The following PKHD1 variants were observed in gnomAD, a reference collection of about 807,000 sequenced individuals.
The protein encoded by PKHD1 is PKHD1 ciliary IPT domain containing fibrocystin/polyductin.
Under a neutral mutation model 412.0 loss-of-function variants are expected in PKHD1, and 291 were observed. That is an observed-to-expected ratio of 0.71 (90% CI 0.64 to 0.78). PKHD1 has a LOEUF of 0.78. PKHD1 is among the 30% of genes least tolerant of loss of function. The probability of loss-of-function intolerance (pLI) is 0.00; values close to 1 mark genes in which losing one functional copy is unlikely to be tolerated. For missense variants in PKHD1, 4,825 were observed against 4,950.7 expected, an observed-to-expected ratio of 0.97 and a Z score of 0.76; for synonymous variants, 1,777 against 1,821.5, an observed-to-expected ratio of 0.98 and a Z score of 0.62.
chr6:51,897,181 C>T (rs1465025925), intron 43 of PKHD1, among the ~76,000 whole-genome samples: 1 of 152,002 alleles, frequency 6.6e-6, no homozygotes, highest in Non-Finnish European at 1.5e-5. Context: ...AGATATTCAT[C>T]GAGAAGAGCA....
intron 35 of PKHD1, among the ~76,000 whole-genome samples, chr6:51,966,653 AG>A (rs1385591214): frequency 1.3e-5 from 2 of 152,196 alleles, no homozygotes; most frequent in Non-Finnish European, 2.9e-5. Flanking sequence ...ACTACTTTCC[AG>A]GAACTACAGA....
At chr6:51,882,619 C>A (rs547655389) in intron 46 of PKHD1, among the ~76,000 whole-genome samples, 6 of 152,274 alleles carry the variant, frequency 3.9e-5, no homozygotes, top group Admixed American at 2.0e-4. Context: ...CCAATGGCAG[C>A]CAGGAACCCC....
chr6:52,062,388 C>T, intron 14 of PKHD1, 131 bp downstream of exon 14: 2 of 965,718 alleles, frequency 2.1e-6, no homozygotes, highest in Admixed American at 1.8e-5. Flanking sequence ...TACTGTCAAA[C>T]TCTGTTGTTG....
intron 60 of PKHD1, among the ~76,000 whole-genome samples, chr6:51,736,671 C>T (rs1407710458): frequency 2.0e-5 from 3 of 152,180 alleles, no homozygotes; most frequent in African/African-American, 7.2e-5. Flanking sequence ...GGTATTTTCC[C>T]CTCTAGCTAG....
At chr6:51,749,663 T>C (rs1344083141) in intron 57 of PKHD1, among the ~76,000 whole-genome samples, 1 of 152,142 alleles carries the variant, frequency 6.6e-6, no homozygotes, top group Non-Finnish European at 1.5e-5. Flanking sequence ...ATTATCCCCA[T>C]TTTACAGATA....
In PKHD1 at chr6:51,959,906, T is replaced by C; in HGVS notation, c.5872A>G (p.Thr1958Ala). ...VENGQLLLLD[T>A]NTSILNLLHI... ...AGTAAGTTGAGGATGCTTGTGTTAG[T>C]GTCCAGCAGAAGCAATTGGCCATTC... is the stretch of plus-strand genomic sequence containing the variant. Residue 1958 changes from threonine (T) to alanine (A), a missense_variant, in exon 36 of 67, where the codon ACT (threonine) becomes GCT (alanine). Physicochemically the swap from Thr to Ala is moderately conservative, Grantham distance 58. Coordinates refer to ENST00000371117, the MANE Select transcript of PKHD1 (RefSeq NM_138694.4). The C allele has an allele frequency of 6.2e-7, 1 of 1,613,514 alleles. No individual in the cohort carries two copies. The highest frequency in any genetic ancestry group is 8.5e-7 in the Non-Finnish European group (1 of 1,179,560).
Position 51,769,623 on chromosome 6 carries a change from C to T in PKHD1, c.8642+3079G>A, listed in dbSNP as rs547411205. Among the ~76,000 whole-genome samples the T allele has an allele frequency of 2.0e-5, 3 of 151,414 alleles. No homozygotes were observed. The East Asian group carries it at 5.8e-4, about 29-fold the overall frequency. Reference sequence around the variant, plus strand: ...TACTTTCTATTTCACCAATTTCTGCCTTTTTCTTGCATTGATTGAGTTCAT... The same window carrying T: ...TACTTTCTATTTCACCAATTTCTGCTTTTTTCTTGCATTGATTGAGTTCAT... On this transcript the variant is annotated intron_variant, in intron 55 of 66. Coordinates refer to ENST00000371117, the MANE Select transcript of PKHD1 (RefSeq NM_138694.4).
Position 51,632,546 on chromosome 6 carries a change from TA to T in PKHD1, c.11665+18del, listed in dbSNP as rs373325476. The T allele has an allele frequency of 4.0e-4, 574 of 1,421,062 alleles. No individual in the cohort carries two copies. Among genetic ancestry groups the T allele is most frequent in the South Asian group, 4.8e-4 (38 of 78,824 alleles). The allele number at this position is 1,421,062 out of a possible 1,614,324, so 88.0% of individuals were successfully genotyped here. On this transcript the variant is annotated intron_variant, in intron 65 of 66. Coordinates refer to ENST00000371117, the MANE Select transcript of PKHD1 (RefSeq NM_138694.4). The stretch of plus-strand genomic sequence containing the variant: ...TTTTTCAGAAATTTTCATTCCAAAA[TA>T]AAAAAAAAACTACATACTTCTGCTT...
At chr6:51,648,620 G>T (rs1219547847) in intron 62 of PKHD1, among the ~76,000 whole-genome samples, 1 of 152,056 alleles carries the variant, frequency 6.6e-6, no homozygotes, top group Non-Finnish European at 1.5e-5. Flanking sequence ...AATAGAATCA[G>T]GACACAAAGA....
At chr6:51,872,581 G>A (rs756494366) in intron 46 of PKHD1, among the ~76,000 whole-genome samples, 1 of 152,036 alleles carries the variant, frequency 6.6e-6, no homozygotes, top group African/African-American at 2.4e-5. Flanking sequence ...GCTAATTTTT[G>A]TACTTTTAGT....
chr6:51,953,151 C>A (rs574558273), intron 36 of PKHD1, among the ~76,000 whole-genome samples: 1 of 152,040 alleles, frequency 6.6e-6, no homozygotes, highest in African/African-American at 2.4e-5. Context: ...AGGGTAGCTA[C>A]GTTTTGACTA....
intron 37 of PKHD1, among the ~76,000 whole-genome samples, chr6:51,923,019 C>A (rs561777328): frequency 6.6e-6 from 1 of 152,148 alleles, no homozygotes; most frequent in Non-Finnish European, 1.5e-5. Context: ...CCATCTTCTG[C>A]GTTGCTCATG....
intron 2 of PKHD1, among the ~76,000 whole-genome samples, chr6:52,084,455 C>G (rs1023467023): frequency 2.0e-5 from 3 of 152,208 alleles, no homozygotes; most frequent in Admixed American, 6.5e-5. Flanking sequence ...TACAAGCAAT[C>G]TAATGATTAT....
intron 32 of PKHD1, among the ~76,000 whole-genome samples, chr6:52,023,156 T>G (rs1349891897): frequency 6.6e-6 from 1 of 152,178 alleles, no homozygotes; most frequent in Non-Finnish European, 1.5e-5. Context: ...TATCCTATTG[T>G]GTTAAAGAGG....
At position 52,062,643 on chromosome 6, in the gene PKHD1, A is replaced by C; in HGVS notation, c.994T>G (p.Phe332Val). 1 of 1,614,128 alleles carries C rather than the reference A, an allele frequency of 6.2e-7. No individual in the cohort carries two copies. The highest frequency in any genetic ancestry group is 8.5e-7 in the Non-Finnish European group (1 of 1,179,968). ...CCCTCAACAGCATCTCCAACTTCAA[A>C]AAGAAGCCCTCGATTGCCTGTAAGA... ...TPQPGNRGLL[F>V]EVGDAVEGLE... The change falls in exon 14 of 67, where the codon TTT becomes GTT. Residue 332 changes from phenylalanine to valine, a missense_variant. By Grantham distance (50) the Phe-to-Val change is conservative (BLOSUM62 -1). Coordinates refer to ENST00000371117, the MANE Select transcript of PKHD1 (RefSeq NM_138694.4).
rs181504479 is a variant in PKHD1, at chr6:51,880,993, C to T, written c.7350+2100G>A. 3.7e-3 allele frequency among the ~76,000 whole-genome samples: 552 copies of T among 149,284 alleles called. 3 individuals are homozygous for T. The highest frequency in any genetic ancestry group is 0.012 in the African/African-American group (503 of 40,954). The stretch of plus-strand genomic sequence containing the variant: ...AAAAAAAAAAAAGAAAGTGTTAATT[C>T]CTAAAGGAATGGCAGGCACAAAAGA... On this transcript the variant is annotated intron_variant, in intron 46 of 66. Transcript: ENST00000371117.
chr6:51,834,443 C>T (rs571196708), intron 51 of PKHD1, among the ~76,000 whole-genome samples: 1 of 152,254 alleles, frequency 6.6e-6, no homozygotes, highest in South Asian at 2.1e-4. Flanking sequence ...ATTACATACT[C>T]ATATCGGTTA....
At chr6:51,935,987 C>A (rs1787416342) in intron 36 of PKHD1, among the ~76,000 whole-genome samples, 2 of 152,120 alleles carry the variant, frequency 1.3e-5, no homozygotes, top group East Asian at 1.9e-4. Flanking sequence ...TGCCTAAATG[C>A]CTTTTTCTTT....
At chr6:51,867,153 G>A (rs1775206402) in intron 48 of PKHD1, among the ~76,000 whole-genome samples, 1 of 152,092 alleles carries the variant, frequency 6.6e-6, no homozygotes, top group South Asian at 2.1e-4. Flanking sequence ...GGACACTTAA[G>A]ACAAAGGAAG....
Sources: gnomAD v4.1 joint callset for allele counts (sites outside exome capture counted in the v4.1 genomes callset) on GRCh38, gnomAD v4.1.1 for gene constraint, MANE v1.5 for transcripts, NCBI Gene and HGNC (gene_info 2026-07-23, HGNC 2026-07-21) for gene names.